Variants in RABGEF1 observed in about 807,000 individuals in gnomAD.
RABGEF1 encodes the protein rab5 GDP/GTP exchange factor.
In RABGEF1, 26 loss-of-function variants were observed where a neutral mutation model predicts 57.3. The observed-to-expected ratio is 0.45, with a 90% CI of 0.33 to 0.63. The LOEUF is 0.63. RABGEF1 is among the 20% of genes least tolerant of loss of function. The pLI, the probability that RABGEF1 is intolerant of heterozygous loss-of-function variation, is 0.02. For synonymous variants in RABGEF1, 185 were observed against 210.7 expected (o/e 0.88, Z 1.06); for missense variants, 464 against 607.6 (o/e 0.76, Z 2.48).
At chr7:66,682,745 G>A (rs1279343314) in intron 1 of RABGEF1, among the ~76,000 whole-genome samples, 1 of 152,214 alleles carries the variant, frequency 6.6e-6, no homozygotes, top group African/African-American at 2.4e-5. Context: ...CGCCCTGGGG[G>A]GACAGAAGCG....
chr7:66,654,662 GCT>G, the RABGEF1 span: 1 of 152,504 alleles, frequency 6.6e-6, no homozygotes, highest in Non-Finnish European at 1.5e-5. Flanking sequence ...GAGCGTCGCG[GCT>G]CTCAGCTACG....
At chr7:66,792,545 T>G (rs1584174883) in intron 4 of RABGEF1, among the ~76,000 whole-genome samples, 1 of 152,204 alleles carries the variant, frequency 6.6e-6, no homozygotes, top group East Asian at 1.9e-4. Context: ...GAGAGGAACC[T>G]TGGATTTAGG....
chr7:66,678,986 T>C (rs1411683856), upstream of RABGEF1, among the ~76,000 whole-genome samples: 1 of 152,190 alleles, frequency 6.6e-6, no homozygotes, highest in Admixed American at 6.5e-5. Context: ...AGCAGTGGAA[T>C]CATAAAGTCA....
intron 7 of RABGEF1, among the ~76,000 whole-genome samples, chr7:66,801,923 T>G (rs1297497191): frequency 1.3e-5 from 2 of 152,160 alleles, no homozygotes; most frequent in Non-Finnish European, 1.5e-5. Context: ...TAGTTAGTTA[T>G]TTTTGAGACA....
At chr7:66,673,152 G>A in the RABGEF1 span, among the ~76,000 whole-genome samples, 171 of 137,070 alleles carry the variant, frequency 1.2e-3, no homozygotes, top group Non-Finnish European at 2.1e-3. Context: ...AGCAGGAGAT[G>A]GCGACATTCT....
chr7:66,773,136 T>G (rs1807620992), intron 2 of RABGEF1, among the ~76,000 whole-genome samples: 1 of 151,706 alleles, frequency 6.6e-6, no homozygotes, highest in South Asian at 2.1e-4. Flanking sequence ...TCCTTTGCTG[T>G]CATTTGTAGT....
At chr7:66,692,021 C>G (rs1419659759) in intron 1 of RABGEF1, among the ~76,000 whole-genome samples, 1 of 152,166 alleles carries the variant, frequency 6.6e-6, no homozygotes, top group Non-Finnish European at 1.5e-5. Flanking sequence ...GGTGCCACTG[C>G]ACTCCAGCTT....
intron 1 of RABGEF1, among the ~76,000 whole-genome samples, chr7:66,755,709 C>T (rs962448756): frequency 7.9e-5 from 12 of 151,978 alleles, no homozygotes; most frequent in Non-Finnish European, 1.8e-4. Context: ...GCTGTTATTC[C>T]GGAGAATGGC....
intron 2 of RABGEF1, among the ~76,000 whole-genome samples, chr7:66,713,435 T>C (rs1311607656): frequency 1.3e-5 from 2 of 152,216 alleles, no homozygotes; most frequent in Non-Finnish European, 2.9e-5. Flanking sequence ...GCCCAACCTG[T>C]GGGATTTTCT....
At chr7:66,749,605 G>A (rs1485530401) in intron 1 of RABGEF1, among the ~76,000 whole-genome samples, 1 of 152,152 alleles carries the variant, frequency 6.6e-6, no homozygotes, top group African/African-American at 2.4e-5. Flanking sequence ...AGAGGCTGCA[G>A]TGCACTATGA....
the RABGEF1 span, among the ~76,000 whole-genome samples, chr7:66,673,451 T>G: frequency 6.6e-6 from 1 of 151,732 alleles, no homozygotes; most frequent in Non-Finnish European, 1.5e-5. Flanking sequence ...CTGGCAGCGG[T>G]GGCTACTTGA....
intron 1 of RABGEF1, among the ~76,000 whole-genome samples, chr7:66,698,748 G>T (rs879444238): frequency 6.6e-6 from 1 of 152,176 alleles, no homozygotes; most frequent in Non-Finnish European, 1.5e-5. Flanking sequence ...CTGAGTCTCA[G>T]TGTGGGTGGG....
rs1024130038 is a variant in RABGEF1, at chr7:66,760,442, A to ATTTTTTT, written c.-17-11429_-17-11423dup. 2.4e-3 allele frequency among the ~76,000 whole-genome samples: 303 copies of ATTTTTTT among 126,054 alleles called. 3 individuals are homozygous for ATTTTTTT. Among genetic ancestry groups the ATTTTTTT allele is most frequent in the East Asian group, 6.1e-3 (26 of 4,260 alleles). 82.7% of individuals were successfully genotyped at this position (126,054 alleles called of 152,430 possible). A position where few individuals can be genotyped will look rare whatever the true frequency, so the allele number is the denominator to read the frequency against. Reference sequence around the variant, plus strand: ...TCCCTTGTAAAGTTGGTTAGCATGTATTTTTTTTTTTTTTTTTTGGAGACA... The same window carrying ATTTTTTT: ...TCCCTTGTAAAGTTGGTTAGCATGTATTTTTTTTTTTTTTTTTTTTTTTTTGGAGACA... On this transcript the variant is annotated intron_variant, in intron 1 of 8. Coordinates refer to ENST00000284957, the MANE Select transcript of RABGEF1 (RefSeq NM_014504.3).
chr7:66,751,968 G>A (rs189667721), intron 1 of RABGEF1, among the ~76,000 whole-genome samples: 101 of 151,878 alleles, frequency 6.7e-4, no homozygotes, highest in African/African-American at 2.1e-3. Flanking sequence ...AAGCCAAGGT[G>A]GGAGGCTCAC....
At chr7:66,659,783 A>C in the RABGEF1 span, among the ~76,000 whole-genome samples, 2 of 151,852 alleles carry the variant, frequency 1.3e-5, no homozygotes, top group South Asian at 2.1e-4. Context: ...CATCTCAAAA[A>C]AAATAAATAA....
At chr7:66,803,333 C>T (rs1787723086) in intron 7 of RABGEF1, among the ~76,000 whole-genome samples, 1 of 152,212 alleles carries the variant, frequency 6.6e-6, no homozygotes, top group South Asian at 2.1e-4. Context: ...TGAAAGAACC[C>T]TTTGGTATAC....
In RABGEF1 at chr7:66,755,725, C is replaced by G. The variant is rs568443867; in HGVS notation, c.-18+14933C>G. Among the ~76,000 whole-genome samples, 5 of 152,172 alleles carry G rather than the reference C, an allele frequency of 3.3e-5. No homozygotes were observed. The South Asian group carries it at 1.0e-3, about 32-fold the overall frequency. On this transcript the variant is annotated intron_variant, in intron 1 of 8. Transcript: ENST00000284957. ...CTGTTATTCCGGAGAATGGCATGCT[C>G]AGATTAGAGTTACAATTTTGCTTAA...
At chr7:66,757,052 C>G (rs1282723849) in intron 1 of RABGEF1, among the ~76,000 whole-genome samples, 7 of 152,128 alleles carry the variant, frequency 4.6e-5, no homozygotes, top group African/African-American at 1.7e-4. Flanking sequence ...TGCTGACATT[C>G]ATTTTGTTGA....
chr7:66,747,816 G>T (rs1800592190), intron 1 of RABGEF1, among the ~76,000 whole-genome samples: 1 of 152,008 alleles, frequency 6.6e-6, no homozygotes, highest in Non-Finnish European at 1.5e-5. Flanking sequence ...TTTTTCAGTG[G>T]AACATATCAT....
Sources: gnomAD v4.1 joint callset for allele counts (sites outside exome capture counted in the v4.1 genomes callset) on GRCh38, gnomAD v4.1.1 for gene constraint, MANE v1.5 for transcripts, NCBI Gene and HGNC (gene_info 2026-07-23, HGNC 2026-07-21) for gene names.